FLI1: variants seen among roughly 807,000 people sequenced by gnomAD.
The protein encoded by FLI1 is Fli-1 proto-oncogene, ETS transcription factor.
Under a neutral mutation model 53.1 loss-of-function variants are expected in FLI1, and 13 were observed. That is an observed-to-expected ratio of 0.24 (90% confidence interval 0.16 to 0.39). The LOEUF (loss-of-function observed/expected upper bound fraction) is 0.39. Among genes scored for constraint, FLI1 ranks in the 10% least tolerant of loss-of-function variants. The pLI is 1.00. For synonymous variants in FLI1, 244 were observed against 236.7 expected, an observed-to-expected ratio of 1.03 and a Z score of -0.28; for missense variants, 424 against 600.5, an observed-to-expected ratio of 0.71 and a Z score of 3.07.
intron 1 of FLI1, among the ~76,000 whole-genome samples, chr11:128,719,268 T>G (rs1358700217): frequency 7.4e-6 from 1 of 135,858 alleles, no homozygotes. Context: ...AGTTTCCTCA[T>G]CAGTTAGATT....
intron 1 of FLI1, among the ~76,000 whole-genome samples, chr11:128,708,152 T>C (rs635887): frequency 6.6e-6 from 1 of 151,944 alleles, no homozygotes; most frequent in Non-Finnish European, 1.5e-5. Flanking sequence ...CCCATTGCCG[T>C]GCATGGGGGA....
chr11:128,767,320 A>T (rs2135830376), intron 2 of FLI1, among the ~76,000 whole-genome samples: 1 of 152,306 alleles, frequency 6.6e-6, no homozygotes, highest in South Asian at 2.1e-4. Context: ...ATCAGGTGGA[A>T]GTTCCTGGAC....
At chr11:128,757,102 TTCTTTCTTTCTC>T (rs1940920332) in intron 1 of FLI1, among the ~76,000 whole-genome samples, 2 of 128,692 alleles carry the variant, frequency 1.6e-5, no homozygotes, top group African/African-American at 3.1e-5. Flanking sequence ...CTTTCTTTCT[TTCTTTCTTTCTC>T]TCTTTCTGTT....
At chr11:128,743,021 T>C (rs760540745) in intron 1 of FLI1, among the ~76,000 whole-genome samples, 2 of 152,166 alleles carry the variant, frequency 1.3e-5, no homozygotes, top group Non-Finnish European at 2.9e-5. Flanking sequence ...GGGTTTCTCA[T>C]GAACATCACC....
At chr11:128,745,845 C>T (rs1254402895) in intron 1 of FLI1, among the ~76,000 whole-genome samples, 1 of 152,158 alleles carries the variant, frequency 6.6e-6, no homozygotes, top group Non-Finnish European at 1.5e-5. Flanking sequence ...AGTGAAGCCC[C>T]CCCATATGCA....
At chr11:128,742,545 G>T (rs1940184801) in intron 1 of FLI1, among the ~76,000 whole-genome samples, 1 of 152,180 alleles carries the variant, frequency 6.6e-6, no homozygotes, top group African/African-American at 2.4e-5. Flanking sequence ...ATAACATGTG[G>T]CTTTTTAAAT....
At chr11:128,772,753 C>A in intron 3 of FLI1, 29 bp from the exon 4 acceptor site, 2 of 1,603,454 alleles carry the variant, frequency 1.2e-6, no homozygotes, top group Admixed American at 3.3e-5. Context: ...TTCCTGCAGT[C>A]CTTGCTAACA....
In FLI1 at chr11:128,694,194, C is replaced by T. The variant is rs1937910312; in HGVS notation, c.-65C>T. The T allele has an allele frequency of 4.0e-6, 6 of 1,500,598 alleles. No homozygotes were observed. Among genetic ancestry groups the T allele is most frequent in the African/African-American group, 1.5e-5 (1 of 68,716 alleles). 93.0% of individuals were successfully genotyped at this position (1,500,598 alleles called of 1,614,324 possible). On this transcript the variant is annotated 5_prime_UTR_variant, in exon 1 of 9. Transcript: ENST00000527786. The stretch of plus-strand genomic sequence containing the variant: ...GCGCCGGGCTAATCCGAAGGGGCTG[C>T]GAGGTCAGGCTGTAACCGGGTCAAT...
At chr11:128,750,230 C>T (rs1591778862) in intron 1 of FLI1, among the ~76,000 whole-genome samples, 1 of 152,278 alleles carries the variant, frequency 6.6e-6, no homozygotes, top group East Asian at 1.9e-4. Context: ...GGTCTGGTTG[C>T]TTTTGACATT....
At chr11:128,771,682 G>A (rs893359101) in intron 3 of FLI1, among the ~76,000 whole-genome samples, 3 of 152,238 alleles carry the variant, frequency 2.0e-5, no homozygotes, top group East Asian at 3.9e-4. Flanking sequence ...GCTAATGGCC[G>A]ACTTACAATA....
At chr11:128,797,095 G>A (rs1176378876) in intron 5 of FLI1, among the ~76,000 whole-genome samples, 1 of 152,240 alleles carries the variant, frequency 6.6e-6, no homozygotes, top group African/African-American at 2.4e-5. Context: ...TTCAGACATA[G>A]GTCAAAAGGC....
Position 128,700,903 on chromosome 11 carries a change from G to A in FLI1, c.18+6627G>A, listed in dbSNP as rs372832517. On this transcript the variant is annotated intron_variant, in intron 1 of 8. Coordinates refer to ENST00000527786, the MANE Select transcript of FLI1 (RefSeq NM_002017.5). ...AATAATAACTTGGGTCTTGTAACAT[G>A]TATAGAAAGGAGGAATGAAAACTTG... 1.2e-4 allele frequency among the ~76,000 whole-genome samples: 19 copies of A among 152,292 alleles called. No homozygotes were observed. In the East Asian group the frequency reaches 3.7e-3, roughly 29 times the overall value.
In FLI1 at chr11:128,812,781, A is replaced by G. The variant is rs1192414366; in HGVS notation, c.*1793A>G. ...CCAGACGGCCACCTTCTGCCACTCC[A>G]GCAAAGAATAAGCGCCCTGCTTCCT... On this transcript the variant is annotated 3_prime_UTR_variant, in exon 9 of 9. Coordinates refer to ENST00000527786, the MANE Select transcript of FLI1 (RefSeq NM_002017.5). 4.7e-6 allele frequency: 1 copy of G among 214,422 alleles called. No homozygotes were observed. Among genetic ancestry groups the G allele is most frequent in the African/African-American group, 2.2e-5 (1 of 44,468 alleles). 13.3% of individuals were successfully genotyped at this position (214,422 alleles called of 1,614,324 possible). A position where few individuals can be genotyped will look rare whatever the true frequency, so the allele number is the denominator to read the frequency against.
At position 128,734,954 on chromosome 11, in the gene FLI1, C is replaced by T. The variant is rs538464480; in HGVS notation, c.19-23161C>T. Among the ~76,000 whole-genome samples the T allele has an allele frequency of 4.6e-5, 7 of 152,316 alleles. No homozygotes were observed. The East Asian group carries it at 1.3e-3, about 29-fold the overall frequency. ...TAGTGTTTGTGGGCAAAGAATGCAG[C>T]TGAGAAAGTGCAGCCTCGTGGAAAG... On this transcript the variant is annotated intron_variant, in intron 1 of 8. Coordinates refer to ENST00000527786, the MANE Select transcript of FLI1 (RefSeq NM_002017.5).
At chr11:128,708,531 T>C (rs1938651016) in intron 1 of FLI1, among the ~76,000 whole-genome samples, 1 of 152,148 alleles carries the variant, frequency 6.6e-6, no homozygotes, top group South Asian at 2.1e-4. Context: ...GGTTTTGCCT[T>C]AGGCTGGCTT....
chr11:128,695,045 ACCAGG>A (rs1937990898), intron 1 of FLI1, among the ~76,000 whole-genome samples: 3 of 150,678 alleles, frequency 2.0e-5, no homozygotes, highest in Non-Finnish European at 4.4e-5. Flanking sequence ...CGGCTCCAGG[ACCAGG>A]GCTCCTGGAG....
chr11:128,741,543 T>C (rs1039476102), intron 1 of FLI1, among the ~76,000 whole-genome samples: 3 of 152,206 alleles, frequency 2.0e-5, no homozygotes, highest in Admixed American at 1.3e-4. Context: ...CTAATGGGTG[T>C]TTCAGGACCC....
chr11:128,738,535 A>AG (rs1940000861), intron 1 of FLI1, among the ~76,000 whole-genome samples: 3 of 152,214 alleles, frequency 2.0e-5, no homozygotes, highest in African/African-American at 7.2e-5. Context: ...TGCATTGTAT[A>AG]GCGTGAACAG....
intron 1 of FLI1, among the ~76,000 whole-genome samples, chr11:128,741,461 C>T (rs187249089): frequency 8.0e-4 from 122 of 152,304 alleles, no homozygotes; most frequent in African/African-American, 2.8e-3. Context: ...CAGGCCAGAG[C>T]CCCCAGCCAG....
Sources: allele counts gnomAD v4.1 joint callset (sites outside exome capture counted in the v4.1 genomes callset), GRCh38; gene constraint gnomAD v4.1.1; transcripts MANE v1.5; gene names NCBI Gene and HGNC (gene_info 2026-07-23, HGNC 2026-07-21).